The following BAZ1B variants were observed in gnomAD, a reference collection of about 807,000 sequenced individuals.
The protein encoded by BAZ1B is tyrosine-protein kinase BAZ1B.
A neutral mutation model predicts 153.8 loss-of-function variants in BAZ1B; 22 were observed. The observed-to-expected ratio is 0.14, with a 90% confidence interval of 0.10 to 0.20. BAZ1B has a LOEUF of 0.20. BAZ1B is among the 10% of genes least tolerant of loss of function. BAZ1B has a pLI of 1.00. For synonymous variants in BAZ1B, 676 were observed against 633.4 expected (o/e 1.07, Z -1.01); for missense variants, 1,325 against 1,799.3 (o/e 0.74, Z 4.77).
intron 7 of BAZ1B, among the ~76,000 whole-genome samples, chr7:73,473,042 A>C (rs1788872056): frequency 1.3e-5 from 2 of 152,048 alleles, no homozygotes; most frequent in South Asian, 4.1e-4. Context: ...CCCTGGTTCA[A>C]GCAATTCTCC....
rs781937255 is a variant in BAZ1B at position 73,450,821 on chromosome 7, C to T, written c.3580+26G>A. The T allele has an allele frequency of 8.1e-6, 13 of 1,612,202 alleles. No homozygotes were observed. In the South Asian group the frequency reaches 1.4e-4, roughly 18 times the overall value. On this transcript the variant is annotated intron_variant, in intron 14 of 19. Coordinates refer to ENST00000339594, the MANE Select transcript of BAZ1B (RefSeq NM_032408.4). This position sits in a 1 kb window ranked among gnomAD's most constrained non-coding sequence, Gnocchi z 4.1. ...GAAATCCTACTCCCTAATATACCCA[C>T]ATAAGCAAATTTGATTTAAATATAC...
chr7:73,504,917 A>T (rs1447720936), intron 3 of BAZ1B, among the ~76,000 whole-genome samples: 1 of 152,190 alleles, frequency 6.6e-6, no homozygotes, highest in African/African-American at 2.4e-5. Context: ...GAAAGGAGTC[A>T]GAGTAAATTA....
At chr7:73,446,385 G>C (rs1193368733) in intron 16 of BAZ1B, among the ~76,000 whole-genome samples, 1 of 152,000 alleles carries the variant, frequency 6.6e-6, no homozygotes, top group Non-Finnish European at 1.5e-5. Flanking sequence ...AGGAGTTCGA[G>C]ACCAGCCTGG....
chr7:73,444,550 G>C (rs1436502596), intron 16 of BAZ1B, among the ~76,000 whole-genome samples: 1 of 152,204 alleles, frequency 6.6e-6, no homozygotes, highest in Non-Finnish European at 1.5e-5. Flanking sequence ...GATGGAACTG[G>C]ATTGTAAAAC....
At chr7:73,485,534 G>C (rs568053400) in intron 6 of BAZ1B, among the ~76,000 whole-genome samples, 41 of 151,794 alleles carry the variant, frequency 2.7e-4, no homozygotes, top group Non-Finnish European at 5.4e-4. Flanking sequence ...CATGAGGTGG[G>C]AGGACTGCTT....
chr7:73,474,239 A>G lies in BAZ1B; in HGVS notation c.2593+2629T>C, dbSNP rs573244995. Among the ~76,000 whole-genome samples, 16 of 152,298 alleles carry G rather than the reference A, an allele frequency of 1.1e-4. No individual in the cohort carries two copies. The East Asian group carries it at 3.1e-3, about 29-fold the overall frequency. On this transcript the variant is annotated intron_variant, in intron 7 of 19. Coordinates refer to ENST00000339594, the MANE Select transcript of BAZ1B (RefSeq NM_032408.4). ...GGACAACTGGAGAGCCACATGCAAAAAAAAATAAAGCTGGACTTTTACCTT... is the reference window on the plus strand; with the variant it reads ...GGACAACTGGAGAGCCACATGCAAAGAAAAATAAAGCTGGACTTTTACCTT...
intron 16 of BAZ1B, among the ~76,000 whole-genome samples, chr7:73,445,596 C>T (rs982944647): frequency 2.6e-5 from 4 of 152,248 alleles, no homozygotes; most frequent in Non-Finnish European, 4.4e-5. Context: ...AGAGATCAGG[C>T]GCAGTGGCTC....
chr7:73,521,889 C>T lies in BAZ1B; in HGVS notation c.45G>A (p.Pro15=), dbSNP rs1554580305. The change falls in exon 1 of 20, where the codon CCG becomes CCA. Residue 15 remains proline (P), a synonymous_variant. Transcript: ENST00000339594. ...LGRKPFPLVK[P]LPGEEPLFTI... Reference sequence around the variant, plus strand: ...TGAAGAGCGGCTCCTCTCCGGGCAACGGCTTCACCAGCGGGAAGGGCTTGC... The same window carrying T: ...TGAAGAGCGGCTCCTCTCCGGGCAATGGCTTCACCAGCGGGAAGGGCTTGC... 6.7e-7 allele frequency: 1 copy of T among 1,500,470 alleles called. No homozygotes were observed. The highest frequency in any genetic ancestry group is 8.9e-7 in the Non-Finnish European group (1 of 1,120,590). 92.9% of individuals were successfully genotyped at this position (1,500,470 alleles called of 1,614,324 possible).
At chr7:73,453,575 T>C (rs1264320346) in intron 13 of BAZ1B, among the ~76,000 whole-genome samples, 1 of 152,198 alleles carries the variant, frequency 6.6e-6, no homozygotes, top group Non-Finnish European at 1.5e-5. Context: ...AAAACCTATG[T>C]AGTAGTAAGA....
chr7:73,454,845 G>A (rs998641341), intron 13 of BAZ1B, among the ~76,000 whole-genome samples: 3 of 151,984 alleles, frequency 2.0e-5, no homozygotes, highest in East Asian at 3.9e-4. Context: ...TGAGTTCCCC[G>A]AAGGCAAGAA....
intron 3 of BAZ1B, among the ~76,000 whole-genome samples, chr7:73,504,650 C>A (rs1358338965): frequency 6.6e-6 from 1 of 151,354 alleles, no homozygotes; most frequent in Non-Finnish European, 1.5e-5. Context: ...GGCGACAGAG[C>A]GAGACTCTGT....
chr7:73,441,877 C>A, intron 19 of BAZ1B, 184 bp from the exon 20 acceptor site: 1 of 383,580 alleles, frequency 2.6e-6, no homozygotes. Flanking sequence ...TGGTGGAAGC[C>A]AGAGCGAGCA....
At chr7:73,499,353 T>G (rs782660816) in intron 3 of BAZ1B, among the ~76,000 whole-genome samples, 7 of 152,112 alleles carry the variant, frequency 4.6e-5, no homozygotes, top group African/African-American at 9.7e-5. Flanking sequence ...AGAAATCAAC[T>G]GTATATGGAT....
At chr7:73,444,165 G>T in intron 16 of BAZ1B, 36 bp from the exon 17 acceptor site, 2 of 1,550,378 alleles carry the variant, frequency 1.3e-6, no homozygotes, top group Non-Finnish European at 1.7e-6. Context: ...AGAGAACAAC[G>T]GAAGGTGAAG....
At chr7:73,464,008 C>T (rs2116290503) in intron 11 of BAZ1B, 1 of 651,244 alleles carries the variant, frequency 1.5e-6, no homozygotes, top group Non-Finnish European at 1.9e-6. Flanking sequence ...GGCCGGCCCT[C>T]CTCTGTCTTT....
chr7:73,488,063 A>C (rs930493655), intron 6 of BAZ1B, among the ~76,000 whole-genome samples: 1 of 152,204 alleles, frequency 6.6e-6, no homozygotes, highest in South Asian at 2.1e-4. Flanking sequence ...TTATATTTTC[A>C]TAATTAAATG....
At chr7:73,482,038 C>CA (rs1482223457) in intron 6 of BAZ1B, among the ~76,000 whole-genome samples, 2 of 152,024 alleles carry the variant, frequency 1.3e-5, no homozygotes, top group African/African-American at 2.4e-5. Flanking sequence ...GACTCTGTCT[C>CA]AAAAAAACAA....
At chr7:73,467,781 G>A (rs1016136122) in intron 9 of BAZ1B, among the ~76,000 whole-genome samples, 1 of 152,058 alleles carries the variant, frequency 6.6e-6, no homozygotes, top group Non-Finnish European at 1.5e-5. Context: ...TCTTGTCTCG[G>A]GGACACATTA....
intron 3 of BAZ1B, among the ~76,000 whole-genome samples, chr7:73,502,730 G>C (rs1262279772): frequency 6.6e-6 from 1 of 152,094 alleles, no homozygotes; most frequent in Non-Finnish European, 1.5e-5. Flanking sequence ...GTAAGCCAAG[G>C]TTGTGCCTCT....
Sources: gnomAD v4.1 joint callset for allele counts (sites outside exome capture counted in the v4.1 genomes callset) on GRCh38, gnomAD v4.1.1 for gene constraint, Gnocchi (gnomAD v3.1) non-coding constraint, MANE v1.5 for transcripts, NCBI Gene and HGNC (gene_info 2026-07-23, HGNC 2026-07-21) for gene names.